SRGAP3: variants seen among roughly 807,000 people sequenced by gnomAD.
The protein encoded by SRGAP3 is SLIT-ROBO Rho GTPase activating protein 3, also known as SLIT-ROBO Rho GTPase-activating protein 3.
In SRGAP3, 39 loss-of-function variants were observed where a neutral mutation model predicts 121.1. The ratio of observed to expected loss-of-function variants is 0.32; its 90% CI spans 0.25 to 0.42. SRGAP3 has a LOEUF of 0.42. SRGAP3 is among the 10% of genes least tolerant of loss of function. The pLI is 1.00. For missense variants in SRGAP3, 1,213 were observed against 1,470.6 expected, an observed-to-expected ratio of 0.82 and a Z score of 2.86; for synonymous variants, 601 against 570.0, an observed-to-expected ratio of 1.05 and a Z score of -0.77.
intron 1 of SRGAP3, among the ~76,000 whole-genome samples, chr3:9,148,619 G>C (rs1192195211): frequency 6.6e-6 from 1 of 152,102 alleles, no homozygotes; most frequent in Non-Finnish European, 1.5e-5. Flanking sequence ...TTATTTATTT[G>C]ACCCCACGGG....
At chr3:9,173,665 T>C (rs1433132924) in intron 1 of SRGAP3, among the ~76,000 whole-genome samples, 1 of 152,040 alleles carries the variant, frequency 6.6e-6, no homozygotes, top group Non-Finnish European at 1.5e-5. Context: ...ACACATGTTG[T>C]TACTTCTGCC....
intron 1 of SRGAP3, among the ~76,000 whole-genome samples, chr3:9,203,414 C>T (rs187869510): frequency 6.6e-6 from 1 of 152,336 alleles, no homozygotes; most frequent in Admixed American, 6.5e-5. Flanking sequence ...CCTGAGAGTT[C>T]ACAGACATTT....
At chr3:9,320,089 A>C (rs773704715) in intron 3 of SRGAP3, among the ~76,000 whole-genome samples, 1 of 151,894 alleles carries the variant, frequency 6.6e-6, no homozygotes, top group Non-Finnish European at 1.5e-5. Flanking sequence ...GACCCAATGC[A>C]GGCTAATCAG....
intron 13 of SRGAP3, among the ~76,000 whole-genome samples, chr3:9,025,912 AG>A (rs1280896513): frequency 6.6e-6 from 1 of 152,184 alleles, no homozygotes; most frequent in East Asian, 1.9e-4. Flanking sequence ...ATTATAATTT[AG>A]GAAGTATTTA....
intron 3 of SRGAP3, among the ~76,000 whole-genome samples, chr3:9,319,193 A>G (rs761199141): frequency 3.9e-5 from 6 of 151,970 alleles, no homozygotes; most frequent in Non-Finnish European, 7.4e-5. Context: ...AAACAGGCTC[A>G]GAGAGATTAA....
chr3:9,128,296 T>C (rs910566637), intron 1 of SRGAP3, among the ~76,000 whole-genome samples: 7 of 152,224 alleles, frequency 4.6e-5, no homozygotes. Flanking sequence ...TACTGATCAC[T>C]GCAATGATAC....
intron 1 of SRGAP3, among the ~76,000 whole-genome samples, chr3:9,206,331 G>A (rs910061179): frequency 6.6e-6 from 1 of 152,112 alleles, no homozygotes; most frequent in Non-Finnish European, 1.5e-5. Context: ...CACAGTAAGC[G>A]AATAATTCAT....
chr3:9,112,260 G>A (rs1397216764), intron 2 of SRGAP3, among the ~76,000 whole-genome samples: 1 of 152,220 alleles, frequency 6.6e-6, no homozygotes, highest in African/African-American at 2.4e-5. Flanking sequence ...CCCGTTCCAG[G>A]ACCTTCTCAG....
At chr3:9,044,235 T>C (rs542423658) in intron 10 of SRGAP3, among the ~76,000 whole-genome samples, 1 of 152,346 alleles carries the variant, frequency 6.6e-6, no homozygotes, top group South Asian at 2.1e-4. Flanking sequence ...CGCTTATCTG[T>C]GGGGAATATG....
At chr3:9,307,362 G>A (rs1483265695) in intron 3 of SRGAP3, among the ~76,000 whole-genome samples, 1 of 152,178 alleles carries the variant, frequency 6.6e-6, no homozygotes, top group Non-Finnish European at 1.5e-5. Context: ...AACAGCCAGG[G>A]GTCCTGGGGG....
At chr3:9,026,296 T>C (rs916566605) in intron 13 of SRGAP3, among the ~76,000 whole-genome samples, 3 of 152,246 alleles carry the variant, frequency 2.0e-5, no homozygotes, top group Non-Finnish European at 4.4e-5. Context: ...AATGATATTA[T>C]TTATTTTTCC....
chr3:9,326,693 G>A (rs943079075), intron 2 of SRGAP3, among the ~76,000 whole-genome samples: 4 of 151,740 alleles, frequency 2.6e-5, no homozygotes, highest in African/African-American at 9.7e-5. Context: ...AGACCATGGA[G>A]TTCATTTAAA....
intron 3 of SRGAP3, among the ~76,000 whole-genome samples, chr3:9,325,643 C>T (rs1955505472): frequency 1.3e-5 from 2 of 151,996 alleles, no homozygotes; most frequent in South Asian, 4.1e-4. Flanking sequence ...CGAGTGAAGG[C>T]CTCCTGGCAA....
At chr3:9,123,013 A>T (rs918399989) in intron 2 of SRGAP3, among the ~76,000 whole-genome samples, 2 of 152,232 alleles carry the variant, frequency 1.3e-5, no homozygotes, top group Non-Finnish European at 1.5e-5. Context: ...AAAAGGAAGA[A>T]CATTCTGACA....
intron 8 of SRGAP3, among the ~76,000 whole-genome samples, chr3:9,054,147 C>A (rs1945710872): frequency 6.6e-6 from 1 of 152,184 alleles, no homozygotes; most frequent in Non-Finnish European, 1.5e-5. Context: ...AAGCCCCCAG[C>A]CATCTGAATG....
chr3:9,111,299 A>C (rs746602606), intron 2 of SRGAP3, among the ~76,000 whole-genome samples: 1 of 152,192 alleles, frequency 6.6e-6, no homozygotes, highest in Non-Finnish European at 1.5e-5. Flanking sequence ...GTGGGTCACT[A>C]AAGTGTCCCC....
chr3:9,275,876 C>G (rs1954564755), intron 3 of SRGAP3, among the ~76,000 whole-genome samples: 1 of 152,070 alleles, frequency 6.6e-6, no homozygotes, highest in Admixed American at 6.6e-5. Flanking sequence ...GAGGCAGATA[C>G]TAAGGGAGGG....
At position 9,013,750 on chromosome 3, in the gene SRGAP3, C is replaced by T. The variant is rs918548062; in HGVS notation, c.1906G>A (p.Ala636Thr). Residue 636 changes from alanine to threonine, a missense_variant, in exon 16 of 22, where the codon GCT becomes ACT. Ala to Thr is a moderately conservative substitution (Grantham distance 58). This residue lies in a region of SRGAP3 where 793 missense variants were observed against 1,032.9 expected (regional missense o/e 0.77). Coordinates refer to ENST00000383836, the MANE Select transcript of SRGAP3 (RefSeq NM_014850.4). ...VVIVVMRYLF[A>T]FLNHLSQYSD... ...CCAGACACTCACTGGTTGAGGAAAG[C>T]GAAGAGGTATCTCATGACCACAATG... is the stretch of plus-strand genomic sequence containing the variant. The T allele has an allele frequency of 6.2e-6, 10 of 1,614,026 alleles. No individual in the cohort carries two copies. The highest frequency in any genetic ancestry group is 1.3e-5 in the African/African-American group (1 of 74,920).
chr3:8,986,321 A>G (rs1941705482), intron 21 of SRGAP3, among the ~76,000 whole-genome samples: 1 of 152,172 alleles, frequency 6.6e-6, no homozygotes, highest in Non-Finnish European at 1.5e-5. Flanking sequence ...CAGGGAGTTG[A>G]TGAGTGCATT....
Sources: gnomAD v4.1 joint callset for allele counts (sites outside exome capture counted in the v4.1 genomes callset) on GRCh38, gnomAD v4.1.1 for gene constraint, gnomAD v4.1.1 regional missense constraint, MANE v1.5 for transcripts, NCBI Gene and HGNC (gene_info 2026-07-23, HGNC 2026-07-21) for gene names.